Variants in XKR6 observed in about 807,000 individuals in gnomAD.
The protein encoded by XKR6 is XK related 6.
A neutral mutation model predicts 56.7 loss-of-function variants in XKR6; 22 were observed. The observed-to-expected ratio is 0.39, with a 90% CI of 0.28 to 0.55. XKR6 has a LOEUF of 0.55. Ranked by LOEUF, XKR6 falls within the 20% of genes least tolerant of loss-of-function variation. The pLI is 0.66. For synonymous variants in XKR6, 524 were observed against 387.8 expected, an observed-to-expected ratio of 1.35 and a Z score of -4.13; for missense variants, 852 against 889.0, an observed-to-expected ratio of 0.96 and a Z score of 0.53.
At chr8:11,053,452 G>A (rs887744317) in intron 1 of XKR6, among the ~76,000 whole-genome samples, 2 of 152,194 alleles carry the variant, frequency 1.3e-5, no homozygotes, top group African/African-American at 2.4e-5. Context: ...GGCTCCCAGA[G>A]AGCTGCATCT....
chr8:11,000,872 C>G (rs1054714174), intron 1 of XKR6, among the ~76,000 whole-genome samples: 54 of 152,230 alleles, frequency 3.5e-4, no homozygotes, highest in African/African-American at 1.3e-3. Context: ...ATTCCACGAA[C>G]ACTTTCTGGA....
intron 1 of XKR6, among the ~76,000 whole-genome samples, chr8:11,120,168 G>A (rs761713580): frequency 7.2e-5 from 11 of 152,190 alleles, no homozygotes; most frequent in Non-Finnish European, 1.3e-4. Context: ...TCAACATAGT[G>A]TTGGAAGTTC....
intron 1 of XKR6, among the ~76,000 whole-genome samples, chr8:10,948,614 G>A (rs958331406): frequency 3.3e-5 from 5 of 152,098 alleles, no homozygotes; most frequent in African/African-American, 9.7e-5. Context: ...GTCTATCCTT[G>A]CAGGACTTGG....
chr8:11,083,168 T>A (rs1797783243), intron 1 of XKR6, among the ~76,000 whole-genome samples: 1 of 152,198 alleles, frequency 6.6e-6, no homozygotes, highest in African/African-American at 2.4e-5. Flanking sequence ...CACTTCAAAG[T>A]GCCCGTGGGG....
chr8:11,021,811 C>T (rs781518258), intron 1 of XKR6, among the ~76,000 whole-genome samples: 6 of 152,138 alleles, frequency 3.9e-5, no homozygotes, highest in Admixed American at 6.5e-5. Context: ...AAGACACAAT[C>T]CCTGCCCTCA....
At chr8:11,120,571 T>C (rs1799401498) in intron 1 of XKR6, among the ~76,000 whole-genome samples, 1 of 152,116 alleles carries the variant, frequency 6.6e-6, no homozygotes, top group Non-Finnish European at 1.5e-5. Flanking sequence ...TCCATGCTCA[T>C]GGGTAGGAAG....
intron 1 of XKR6, among the ~76,000 whole-genome samples, chr8:10,996,126 C>A (rs896395655): frequency 3.3e-5 from 5 of 152,186 alleles, no homozygotes; most frequent in African/African-American, 1.2e-4. Context: ...AAATGAAATA[C>A]TTTTCTTCAG....
chr8:11,071,462 A>G (rs1304030633), intron 1 of XKR6, among the ~76,000 whole-genome samples: 1 of 131,888 alleles, frequency 7.6e-6, no homozygotes, highest in East Asian at 2.0e-4. Context: ...TACACCTTTA[A>G]GTCTATGAGC....
intron 1 of XKR6, among the ~76,000 whole-genome samples, chr8:11,068,698 G>C (rs1800042552): frequency 6.6e-6 from 1 of 152,166 alleles, no homozygotes; most frequent in Non-Finnish European, 1.5e-5. Flanking sequence ...ACCAGAGAGA[G>C]GCTTCCCAGG....
At chr8:10,912,447 GTATA>G (rs371843959) in intron 2 of XKR6, among the ~76,000 whole-genome samples, 26,107 of 117,072 alleles carry the variant, frequency 0.22, 3,323 homozygotes, top group Non-Finnish European at 0.28. Context: ...ATAGGTGAGT[GTATA>G]TATATATATA....
At chr8:11,103,985 G>A (rs1456548215) in intron 1 of XKR6, among the ~76,000 whole-genome samples, 1 of 152,158 alleles carries the variant, frequency 6.6e-6, no homozygotes, top group African/African-American at 2.4e-5. Flanking sequence ...GAGTAATACT[G>A]CAAATGAAGT....
At chr8:10,906,004 A>G (rs1238056435) in intron 2 of XKR6, among the ~76,000 whole-genome samples, 1 of 152,156 alleles carries the variant, frequency 6.6e-6, no homozygotes, top group Admixed American at 6.5e-5. Context: ...AAGCATCCTG[A>G]TGACTTCTAT....
intron 1 of XKR6, among the ~76,000 whole-genome samples, chr8:11,199,346 A>C (rs1804069312): frequency 6.6e-6 from 1 of 152,242 alleles, no homozygotes; most frequent in Non-Finnish European, 1.5e-5. Context: ...ATTTAAATAA[A>C]TGCTGAATAG....
chr8:11,127,039 T>C (rs995284180), intron 1 of XKR6, among the ~76,000 whole-genome samples: 2 of 152,142 alleles, frequency 1.3e-5, no homozygotes, highest in African/African-American at 2.4e-5. Context: ...TTGTCTTGTG[T>C]ATCATTCTTT....
At chr8:11,032,608 A>C (rs919797372) in intron 1 of XKR6, among the ~76,000 whole-genome samples, 2 of 152,220 alleles carry the variant, frequency 1.3e-5, no homozygotes, top group Non-Finnish European at 2.9e-5. Context: ...TGTTGAAAGA[A>C]GGGAGGGAAG....
chr8:11,165,398 G>C (rs1802024264), intron 1 of XKR6, among the ~76,000 whole-genome samples: 1 of 151,970 alleles, frequency 6.6e-6, no homozygotes, highest in Non-Finnish European at 1.5e-5. Context: ...GTGCCCAGCT[G>C]GCTATCGCTA....
chr8:11,046,139 C>T (rs1248874440), intron 1 of XKR6, among the ~76,000 whole-genome samples: 1 of 152,152 alleles, frequency 6.6e-6, no homozygotes, highest in East Asian at 1.9e-4. Flanking sequence ...TGGCTCACAC[C>T]TGTAATCCCA....
At chr8:11,159,750 G>A (rs752139930) in intron 1 of XKR6, among the ~76,000 whole-genome samples, 20 of 152,214 alleles carry the variant, frequency 1.3e-4, no homozygotes, top group Admixed American at 2.6e-4. Flanking sequence ...GTATCTCTAA[G>A]TTTAGAAATG....
intron 1 of XKR6, among the ~76,000 whole-genome samples, chr8:10,927,749 T>G (rs1433382867): frequency 6.6e-6 from 1 of 152,162 alleles, no homozygotes; most frequent in Non-Finnish European, 1.5e-5. Context: ...CCAATCTTGA[T>G]GCTCTCCTGG....
Sources: allele counts gnomAD v4.1 joint callset (sites outside exome capture counted in the v4.1 genomes callset), GRCh38; gene constraint gnomAD v4.1.1; transcripts MANE v1.5; gene names NCBI Gene and HGNC (gene_info 2026-07-23, HGNC 2026-07-21).